RIC1: variants seen among roughly 807,000 people sequenced by gnomAD.
RIC1 encodes the protein RIC1 partner of RAB6A GEF complex.
RIC1 carries 88 observed loss-of-function variants against 169.0 expected under a neutral mutation model. That is an observed-to-expected ratio of 0.52 (90% CI 0.44 to 0.62). RIC1 has a LOEUF of 0.62. Ranked by LOEUF, RIC1 falls within the 20% of genes least tolerant of loss-of-function variation. The probability of loss-of-function intolerance (pLI) is 0.00; values close to 1 mark genes in which losing one functional copy is unlikely to be tolerated. For missense variants in RIC1, 1,877 were observed against 1,725.5 expected (o/e 1.09, Z -1.56); for synonymous variants, 790 against 601.5 (o/e 1.31, Z -4.59).
rs2131164249 is a variant in RIC1, at chr9:5,774,296, G to A, written c.*50G>A. 2.0e-6 allele frequency: 3 copies of A among 1,493,028 alleles called. No homozygotes were observed. Among genetic ancestry groups the A allele is most frequent in the Non-Finnish European group, 2.7e-6 (3 of 1,102,126 alleles). The allele number at this position is 1,493,028 out of a possible 1,614,324, so 92.5% of individuals were successfully genotyped here. ...CAGTATTAATTAGCAGCAGCGTGCA[G>A]CTCAGTACGTTGTAACATAGTTGGA... On this transcript the variant is annotated 3_prime_UTR_variant, in exon 26 of 26. Transcript: ENST00000414202.
chr9:5,681,061 C>T (rs1320575938), intron 2 of RIC1, among the ~76,000 whole-genome samples: 3 of 151,350 alleles, frequency 2.0e-5, no homozygotes, highest in Non-Finnish European at 2.9e-5. Context: ...CTCCTGACCT[C>T]GTGATCCGCC....
intron 11 of RIC1, 85 bp downstream of exon 11, chr9:5,746,168 C>A: frequency 1.0e-6 from 1 of 959,550 alleles, no homozygotes; most frequent in Non-Finnish European, 1.5e-6. Flanking sequence ...ATGGCGTATA[C>A]TTCTAAAATT....
intron 3 of RIC1, among the ~76,000 whole-genome samples, chr9:5,706,709 C>G (rs866164694): frequency 2.6e-5 from 4 of 152,230 alleles, no homozygotes; most frequent in Middle Eastern, 3.4e-3. Flanking sequence ...GTCCATTTAA[C>G]ATAGGTTATC....
At chr9:5,693,421 T>G (rs1233259868) in intron 3 of RIC1, among the ~76,000 whole-genome samples, 1 of 152,144 alleles carries the variant, frequency 6.6e-6, no homozygotes, top group Non-Finnish European at 1.5e-5. Context: ...TCTATAGATG[T>G]TGGGAGTCAG....
chr9:5,717,110 G>C (rs999014960), intron 4 of RIC1, among the ~76,000 whole-genome samples: 1 of 152,206 alleles, frequency 6.6e-6, no homozygotes, highest in Non-Finnish European at 1.5e-5. Flanking sequence ...TTATCTATAA[G>C]TCTATTTATA....
At chr9:5,770,355 C>G (rs535974748) in intron 23 of RIC1, 77 bp downstream of exon 23, 4 of 1,225,758 alleles carry the variant, frequency 3.3e-6, no homozygotes, top group Non-Finnish European at 4.6e-6. Context: ...AGAGATAGAC[C>G]TTCATTCTTT....
chr9:5,663,181 T>C (rs1266001217), intron 2 of RIC1, among the ~76,000 whole-genome samples: 1 of 152,186 alleles, frequency 6.6e-6, no homozygotes, highest in Non-Finnish European at 1.5e-5. Context: ...TTTTTGAGTG[T>C]TGTGGTCTGA....
chr9:5,636,976 A>T (rs138430516), intron 1 of RIC1, among the ~76,000 whole-genome samples: 10 of 152,144 alleles, frequency 6.6e-5, no homozygotes, highest in Admixed American at 2.0e-4. Flanking sequence ...TATTTGTCAT[A>T]CGTGTGGCAC....
At chr9:5,683,922 G>A (rs967605037) in intron 2 of RIC1, among the ~76,000 whole-genome samples, 6 of 152,160 alleles carry the variant, frequency 3.9e-5, no homozygotes, top group East Asian at 1.9e-4. Context: ...GCGAGGCTCC[G>A]TGGGCATAGG....
chr9:5,711,009 A>T (rs1288767013), intron 3 of RIC1, among the ~76,000 whole-genome samples: 1 of 152,130 alleles, frequency 6.6e-6, no homozygotes, highest in Non-Finnish European at 1.5e-5. Context: ...AGGAAACAAA[A>T]CATGTAAATT....
Position 5,688,357 on chromosome 9 carries a change from A to G in RIC1, c.253-1602A>G, listed in dbSNP as rs183475097. 6.6e-5 allele frequency among the ~76,000 whole-genome samples: 10 copies of G among 152,272 alleles called. No homozygotes were observed. In the East Asian group the frequency reaches 1.7e-3, roughly 26 times the overall value. ...TGGGTAAGAGTAGGAGGGTCACTTC[A>G]GTTGTTTCTTATCTCTCAAGGATGA... On this transcript the variant is annotated intron_variant, in intron 2 of 25. Transcript: ENST00000414202.
chr9:5,657,824 A>G (rs1475476167), intron 2 of RIC1, among the ~76,000 whole-genome samples: 3 of 152,168 alleles, frequency 2.0e-5, no homozygotes, highest in African/African-American at 4.8e-5. Flanking sequence ...TAGTTTTTAC[A>G]TATTTAAATA....
chr9:5,671,127 T>C (rs768726415), intron 2 of RIC1, among the ~76,000 whole-genome samples: 15 of 152,158 alleles, frequency 9.9e-5, no homozygotes, highest in Non-Finnish European at 1.8e-4. Flanking sequence ...ATTGTTTACA[T>C]TTACACTTTA....
chr9:5,743,504 G>A (rs945740028), intron 9 of RIC1, among the ~76,000 whole-genome samples, 185 bp from the exon 10 acceptor site: 1 of 152,044 alleles, frequency 6.6e-6, no homozygotes. Flanking sequence ...CTTGGACCTC[G>A]GAAAATGTGG....
At chr9:5,708,064 T>C (rs1586988459) in intron 3 of RIC1, among the ~76,000 whole-genome samples, 1 of 152,102 alleles carries the variant, frequency 6.6e-6, no homozygotes, top group African/African-American at 2.4e-5. Flanking sequence ...TTTTTGTACA[T>C]GTTTTAGTTA....
intron 6 of RIC1, among the ~76,000 whole-genome samples, chr9:5,727,403 C>A (rs1276512415): frequency 6.6e-6 from 1 of 152,172 alleles, no homozygotes; most frequent in Non-Finnish European, 1.5e-5. Flanking sequence ...CATTTTAGGT[C>A]CTTGCTACGC....
chr9:5,695,683 A>T (rs944354206), intron 3 of RIC1, among the ~76,000 whole-genome samples: 2 of 148,222 alleles, frequency 1.3e-5, no homozygotes, highest in Non-Finnish European at 1.5e-5. Flanking sequence ...AGCGATTCTC[A>T]TGTCTCAATC....
rs1176279361 is a variant in RIC1 at position 5,761,028 on chromosome 9, TG to T, written c.1993-1511del. On this transcript the variant is annotated intron_variant, in intron 17 of 25. Transcript: ENST00000414202. ...TTTTGTCTTCCAAAAGCTCAGGTGA[TG>T]GCCCGCTGCTCTTTTTACCCTGGCT... 2.0e-5 allele frequency among the ~76,000 whole-genome samples: 3 copies of T among 151,930 alleles called. No homozygotes were observed. The East Asian group carries it at 5.8e-4, about 29-fold the overall frequency.
At chr9:5,769,951 TACAGGACAGTAATTGCCTTTGA>T in intron 22 of RIC1, 114 bp from the exon 23 acceptor site, 1 of 720,504 alleles carries the variant, frequency 1.4e-6, no homozygotes, top group South Asian at 1.9e-5. Context: ...GCTGATACAG[TACAGGACAGTAATTGCCTTTGA>T]ACTGTTCTTA....
Sources: gnomAD v4.1 joint callset for allele counts (sites outside exome capture counted in the v4.1 genomes callset) on GRCh38, gnomAD v4.1.1 for gene constraint, MANE v1.5 for transcripts, NCBI Gene and HGNC (gene_info 2026-07-23, HGNC 2026-07-21) for gene names.